The following ASTN2 variants were observed in gnomAD, a reference collection of about 807,000 sequenced individuals.
ASTN2 encodes the protein astrotactin-2.
ASTN2 carries 54 observed loss-of-function variants against 139.8 expected under a neutral mutation model. The ratio of observed to expected loss-of-function variants is 0.39; its 90% confidence interval spans 0.31 to 0.48. The LOEUF (loss-of-function observed/expected upper bound fraction) is 0.48, where lower values mean the gene tolerates loss of function less well. ASTN2 is among the 20% of genes least tolerant of loss of function. ASTN2 has a pLI of 0.95. For missense variants in ASTN2, 1,565 were observed against 1,725.1 expected (o/e 0.91, Z 1.64); for synonymous variants, 756 against 719.5 (o/e 1.05, Z -0.81).
At chr9:116,631,643 T>A (rs1856750277) in intron 17 of ASTN2, among the ~76,000 whole-genome samples, 1 of 152,116 alleles carries the variant, frequency 6.6e-6, no homozygotes, top group South Asian at 2.1e-4. Context: ...GAATAAGATC[T>A]GGTGTTCAAT....
At chr9:116,900,309 TC>T (rs1833975419) in intron 10 of ASTN2, among the ~76,000 whole-genome samples, 2 of 152,048 alleles carry the variant, frequency 1.3e-5, no homozygotes, top group African/African-American at 4.8e-5. Flanking sequence ...GCCTCCATAT[TC>T]CCATTTTATG....
At chr9:116,898,967 T>C (rs1833943060) in intron 10 of ASTN2, among the ~76,000 whole-genome samples, 2 of 152,186 alleles carry the variant, frequency 1.3e-5, no homozygotes, top group South Asian at 4.1e-4. Flanking sequence ...TGAGCTACCA[T>C]ATGCAGTGTT....
At chr9:116,493,477 C>T (rs1849580634) in intron 19 of ASTN2, among the ~76,000 whole-genome samples, 2 of 152,188 alleles carry the variant, frequency 1.3e-5, no homozygotes, top group Non-Finnish European at 2.9e-5. Context: ...TCTTTATCCA[C>T]TCAGACTCTA....
At chr9:117,175,735 T>C (rs112089177) in intron 3 of ASTN2, among the ~76,000 whole-genome samples, 6 of 152,252 alleles carry the variant, frequency 3.9e-5, no homozygotes, top group African/African-American at 1.4e-4. Context: ...GGTTAAAGAC[T>C]GAAATGTTTA....
chr9:116,475,922 G>A (rs752993594), intron 20 of ASTN2, among the ~76,000 whole-genome samples: 7 of 152,046 alleles, frequency 4.6e-5, no homozygotes, highest in Non-Finnish European at 8.8e-5. Flanking sequence ...GTTGTCTCTC[G>A]TCCCCCAGCC....
At chr9:117,067,270 T>TC in intron 5 of ASTN2, among the ~76,000 whole-genome samples, 1 of 131,140 alleles carries the variant, frequency 7.6e-6, no homozygotes, top group Non-Finnish European at 1.7e-5. Flanking sequence ...GGGAATCCTT[T>TC]CCCCATTTCT....
chr9:116,808,581 C>G (rs1251481461), intron 12 of ASTN2, among the ~76,000 whole-genome samples: 1 of 152,098 alleles, frequency 6.6e-6, no homozygotes, highest in African/African-American at 2.4e-5. Flanking sequence ...TTGATGGGCA[C>G]TTTAGCTGTT....
intron 5 of ASTN2, among the ~76,000 whole-genome samples, chr9:117,081,105 T>C (rs745536307): frequency 6.6e-5 from 10 of 152,190 alleles, no homozygotes; most frequent in Non-Finnish European, 1.3e-4. Flanking sequence ...GAAAAATCCT[T>C]CGCCAGTGAA....
rs114213484 is a variant in ASTN2 at position 116,774,405 on chromosome 9, G to T, written c.2396+31227C>A. Among the ~76,000 whole-genome samples the T allele has an allele frequency of 8.2e-3, 1,247 of 152,302 alleles. 12 individuals are homozygous for T. The highest frequency in any genetic ancestry group is 0.028 in the African/African-American group (1,160 of 41,550). ...GGATCCATGAAAGTAAGCTATTTGGGAGTGGGTTGAAGATAGAAGCTTTCT... is the reference window on the plus strand; with the variant it reads ...GGATCCATGAAAGTAAGCTATTTGGTAGTGGGTTGAAGATAGAAGCTTTCT... On this transcript the variant is annotated intron_variant, in intron 13 of 22. Transcript: ENST00000313400.
intron 11 of ASTN2, among the ~76,000 whole-genome samples, chr9:116,859,616 TCAAA>T (rs775864232): frequency 6.6e-6 from 1 of 152,182 alleles, no homozygotes; most frequent in Admixed American, 6.5e-5. Flanking sequence ...ATGTTGGAAG[TCAAA>T]CAAAGTAATC....
intron 19 of ASTN2, among the ~76,000 whole-genome samples, chr9:116,510,398 T>A (rs1408853591): frequency 2.6e-5 from 4 of 152,182 alleles, no homozygotes; most frequent in Non-Finnish European, 1.5e-5. Context: ...CTGTTTTGGT[T>A]ACTATAGCCT....
At chr9:116,504,784 T>C (rs1056046092) in intron 19 of ASTN2, among the ~76,000 whole-genome samples, 2 of 150,796 alleles carry the variant, frequency 1.3e-5, no homozygotes, top group Non-Finnish European at 2.9e-5. Context: ...TAGCTCCAGC[T>C]ACTCAGGAAG....
rs546988468 is a variant in ASTN2, at chr9:116,458,011, T to C, written c.3498-15458A>G. Among the ~76,000 whole-genome samples, 118 of 152,066 alleles carry C rather than the reference T, an allele frequency of 7.8e-4. 2 individuals are homozygous for C. The South Asian group carries it at 0.024, about 31-fold the overall frequency. On this transcript the variant is annotated intron_variant, in intron 20 of 22. Coordinates refer to ENST00000313400, the MANE Select transcript of ASTN2 (RefSeq NM_001365068.1). ...GTACATATACACAATGGAGTAGTAT[T>C]CAGCCATTAAAAAAAATGAGATCTT...
intron 1 of ASTN2, among the ~76,000 whole-genome samples, chr9:117,376,751 G>T (rs983410580): frequency 6.6e-6 from 1 of 152,200 alleles, no homozygotes; most frequent in Middle Eastern, 3.4e-3. Flanking sequence ...ATGTTTTCTT[G>T]GGAAGAAAAA....
In ASTN2 at chr9:116,971,936, G is replaced by A. The variant is rs915597086; in HGVS notation, c.1889+3272C>T. ...GTGATGGAGTTAAGATTTGCACTCA[G>A]CCAATTTGCTTGAGGTCCATAGCCT... On this transcript the variant is annotated intron_variant, in intron 10 of 22. Coordinates refer to ENST00000313400, the MANE Select transcript of ASTN2 (RefSeq NM_001365068.1). Among the ~76,000 whole-genome samples, 3 of 152,148 alleles carry A rather than the reference G, an allele frequency of 2.0e-5. No individual in the cohort carries two copies. The South Asian group carries it at 6.2e-4, about 31-fold the overall frequency.
chr9:117,233,218 A>G (rs1461548418), intron 2 of ASTN2, among the ~76,000 whole-genome samples: 3 of 152,186 alleles, frequency 2.0e-5, no homozygotes, highest in Admixed American at 6.5e-5. Flanking sequence ...CCCTGCTTCC[A>G]ATTCCCCCAA....
intron 4 of ASTN2, among the ~76,000 whole-genome samples, chr9:117,137,692 G>A (rs977144183): frequency 6.6e-6 from 1 of 151,854 alleles, no homozygotes; most frequent in African/African-American, 2.4e-5. Context: ...GAAAGAGGGA[G>A]GGTGGAGAAT....
chr9:116,648,497 A>T (rs963793616), intron 17 of ASTN2, among the ~76,000 whole-genome samples: 1 of 151,986 alleles, frequency 6.6e-6, no homozygotes. Flanking sequence ...CTACTCTTAC[A>T]TTCTCACAGT....
intron 10 of ASTN2, among the ~76,000 whole-genome samples, chr9:116,933,876 T>A (rs1011452442): frequency 6.6e-6 from 1 of 150,586 alleles, no homozygotes; most frequent in African/African-American, 2.4e-5. Flanking sequence ...CAGGCAGAGA[T>A]AACAATAAAA....
Sources: gnomAD v4.1 joint callset for allele counts (sites outside exome capture counted in the v4.1 genomes callset) on GRCh38, gnomAD v4.1.1 for gene constraint, MANE v1.5 for transcripts, NCBI Gene and HGNC (gene_info 2026-07-23, HGNC 2026-07-21) for gene names.